The following PLCB1 variants were observed in gnomAD, a reference collection of about 807,000 sequenced individuals.
PLCB1 encodes the protein phospholipase C beta 1.
PLCB1 carries 46 observed loss-of-function variants against 161.8 expected under a neutral mutation model. The ratio of observed to expected loss-of-function variants is 0.28; its 90% CI spans 0.22 to 0.36. PLCB1 has a LOEUF of 0.36. Ranked by LOEUF, PLCB1 falls within the 10% of genes least tolerant of loss-of-function variation. The probability of loss-of-function intolerance (pLI) is 1.00; values close to 1 mark genes in which losing one functional copy is unlikely to be tolerated. For missense variants in PLCB1, 1,016 were observed against 1,472.5 expected, an observed-to-expected ratio of 0.69 and a Z score of 5.07; for synonymous variants, 517 against 503.7, an observed-to-expected ratio of 1.03 and a Z score of -0.35.
At chr20:8,266,319 T>C (rs1043445490) in intron 2 of PLCB1, among the ~76,000 whole-genome samples, 8 of 152,180 alleles carry the variant, frequency 5.3e-5, no homozygotes, top group African/African-American at 1.7e-4. Flanking sequence ...ATGATGTGGC[T>C]GGGCTCTCAG....
intron 3 of PLCB1, among the ~76,000 whole-genome samples, chr20:8,433,912 G>A (rs1980178858): frequency 6.6e-6 from 1 of 152,068 alleles, no homozygotes; most frequent in Non-Finnish European, 1.5e-5. Flanking sequence ...TTCTCTGGAA[G>A]AATAGTACAT....
intron 3 of PLCB1, among the ~76,000 whole-genome samples, chr20:8,546,313 C>CAAAAAAAAAA (rs369485988): frequency 8.7e-5 from 9 of 102,914 alleles, no homozygotes; most frequent in Non-Finnish European, 1.3e-4. Context: ...GACTCTATCT[C>CAAAAAAAAAA]AAAAAAAAAA....
intron 26 of PLCB1, 111 bp downstream of exon 26, chr20:8,765,469 C>CT (rs1164612814): frequency 2.3e-5 from 17 of 753,034 alleles, no homozygotes; most frequent in Non-Finnish European, 3.4e-5. Flanking sequence ...AGAAAACCAC[C>CT]TAACCTCCGT....
intron 2 of PLCB1, among the ~76,000 whole-genome samples, chr20:8,331,318 C>T (rs953932590): frequency 6.6e-6 from 1 of 151,170 alleles, no homozygotes; most frequent in African/African-American, 2.4e-5. Flanking sequence ...AAAATTCACA[C>T]ATTGAAAGAA....
intron 1 of PLCB1, among the ~76,000 whole-genome samples, chr20:8,142,821 T>C (rs1181385064): frequency 6.6e-6 from 1 of 152,224 alleles, no homozygotes; most frequent in Non-Finnish European, 1.5e-5. Flanking sequence ...CACTATTCTT[T>C]GTGTACAGAG....
At chr20:8,527,031 C>T (rs1984611676) in intron 3 of PLCB1, among the ~76,000 whole-genome samples, 1 of 152,070 alleles carries the variant, frequency 6.6e-6, no homozygotes, top group Admixed American at 6.6e-5. Flanking sequence ...GGTCTGGTCT[C>T]TAGTGTAGTT....
chr20:8,845,125 T>TAAATAAAATAAAATA (rs11474524), intron 31 of PLCB1, among the ~76,000 whole-genome samples: 2 of 151,092 alleles, frequency 1.3e-5, no homozygotes, highest in African/African-American at 4.9e-5. Flanking sequence ...AAAAAATAAA[T>TAAATAAAATAAAATA]AAATAAAATA....
intron 2 of PLCB1, among the ~76,000 whole-genome samples, chr20:8,302,757 A>G (rs1983965782): frequency 6.6e-6 from 1 of 152,026 alleles, no homozygotes; most frequent in African/African-American, 2.4e-5. Flanking sequence ...TCATTTATCT[A>G]TATACAAATT....
chr20:8,339,708 C>T (rs1985726472), intron 2 of PLCB1, among the ~76,000 whole-genome samples: 1 of 152,216 alleles, frequency 6.6e-6, no homozygotes, highest in Non-Finnish European at 1.5e-5. Context: ...ACTTCATAGT[C>T]ATGAGCTGTC....
chr20:8,363,697 C>G (rs1460745923), intron 2 of PLCB1, among the ~76,000 whole-genome samples: 1 of 152,030 alleles, frequency 6.6e-6, no homozygotes, highest in African/African-American at 2.4e-5. Context: ...GAGGGGATTA[C>G]ACAAAGGCAT....
chr20:8,470,894 T>A (rs1982024685), intron 3 of PLCB1, among the ~76,000 whole-genome samples: 1 of 152,152 alleles, frequency 6.6e-6, no homozygotes, highest in South Asian at 2.1e-4. Flanking sequence ...TGGTCTTGTT[T>A]TGTTCCTTAA....
intron 2 of PLCB1, among the ~76,000 whole-genome samples, chr20:8,323,065 G>T (rs1420262304): frequency 2.0e-5 from 3 of 152,148 alleles, no homozygotes; most frequent in Admixed American, 2.0e-4. Context: ...ATAAATCTCA[G>T]TTAACTGATT....
rs1019733783 is a variant in PLCB1, at chr20:8,883,180, T to A, written c.*1331T>A. On this transcript the variant is annotated 3_prime_UTR_variant, in exon 32 of 32. Transcript: ENST00000338037. The stretch of plus-strand genomic sequence containing the variant: ...TAAGCTTGTTTTAATGGTCAAAAAA[T>A]TAGGACAGAAATAATATGGACATTT... 1.3e-5 allele frequency: 2 copies of A among 152,084 alleles called. No homozygotes were observed. Among genetic ancestry groups the A allele is most frequent in the Middle Eastern group, 3.2e-3 (1 of 316 alleles). The allele number at this position is 152,084 out of a possible 1,614,324, so 9.4% of individuals were successfully genotyped here.
At chr20:8,469,229 A>AC (rs1981945326) in intron 3 of PLCB1, among the ~76,000 whole-genome samples, 1 of 152,168 alleles carries the variant, frequency 6.6e-6, no homozygotes, top group South Asian at 2.1e-4. Context: ...TATCCTGAGA[A>AC]CACCCTCTTT....
intron 1 of PLCB1, among the ~76,000 whole-genome samples, chr20:8,150,041 C>G (rs2051493884): frequency 6.6e-6 from 1 of 151,914 alleles, no homozygotes; most frequent in Admixed American, 6.6e-5. Flanking sequence ...AGAAAACATA[C>G]CTTAATCAAT....
Position 8,869,530 on chromosome 20 carries a change from A to G in PLCB1, c.3424-12092A>G, listed in dbSNP as rs1180967569. Among the ~76,000 whole-genome samples the G allele has an allele frequency of 3.3e-5, 5 of 152,346 alleles. No individual in the cohort carries two copies. The East Asian group carries it at 7.7e-4, about 23-fold the overall frequency. ...GTGGCTTGGGTATGTATATAAAGCAATAAGAATTTTGCTCCTGGAAAATGG... is the reference window on the plus strand; with the variant it reads ...GTGGCTTGGGTATGTATATAAAGCAGTAAGAATTTTGCTCCTGGAAAATGG... On this transcript the variant is annotated intron_variant, in intron 31 of 31. Coordinates refer to ENST00000338037, the MANE Select transcript of PLCB1 (RefSeq NM_015192.4).
intron 3 of PLCB1, among the ~76,000 whole-genome samples, chr20:8,410,665 A>G (rs1340291089): frequency 6.6e-6 from 1 of 152,092 alleles, no homozygotes; most frequent in African/African-American, 2.4e-5. Flanking sequence ...TTTAATTGTA[A>G]TGGGTTGAAT....
intron 2 of PLCB1, among the ~76,000 whole-genome samples, chr20:8,173,656 G>A (rs1438212642): frequency 6.6e-6 from 1 of 152,134 alleles, no homozygotes; most frequent in East Asian, 1.9e-4. Flanking sequence ...GAAAAATTTA[G>A]TCAACCTCAA....
chr20:8,503,512 A>C (rs970233965), intron 3 of PLCB1, among the ~76,000 whole-genome samples: 1 of 152,186 alleles, frequency 6.6e-6, no homozygotes, highest in Admixed American at 6.5e-5. Context: ...CATACTTCAC[A>C]GAGCAAGCCT....
Sources: gnomAD v4.1 joint callset for allele counts (sites outside exome capture counted in the v4.1 genomes callset) on GRCh38, gnomAD v4.1.1 for gene constraint, MANE v1.5 for transcripts, NCBI Gene and HGNC (gene_info 2026-07-23, HGNC 2026-07-21) for gene names.